Variants in MALRD1 observed in about 807,000 individuals in gnomAD.
MALRD1 encodes MAM and LDL-receptor class A domain-containing protein 1.
Under a neutral mutation model 242.1 loss-of-function variants are expected in MALRD1, and 247 were observed. The observed-to-expected ratio is 1.02, with a 90% CI of 0.92 to 1.13. The LOEUF (loss-of-function observed/expected upper bound fraction) is 1.13. MALRD1 is among the 50% of genes most tolerant of loss of function. The probability of loss-of-function intolerance (pLI) is 0.00; values close to 1 mark genes in which losing one functional copy is unlikely to be tolerated. For synonymous variants in MALRD1, 995 were observed against 866.6 expected (o/e 1.15, Z -2.60); for missense variants, 2,989 against 2,533.1 (o/e 1.18, Z -3.86).
At chr10:19,310,224 G>T (rs907687802) in intron 21 of MALRD1, among the ~76,000 whole-genome samples, 1 of 151,416 alleles carries the variant, frequency 6.6e-6, no homozygotes, top group African/African-American at 2.4e-5. Context: ...GCTTAGATTT[G>T]CTTTTTTACT....
At chr10:19,236,204 C>T (rs1838309961) in intron 18 of MALRD1, among the ~76,000 whole-genome samples, 1 of 152,154 alleles carries the variant, frequency 6.6e-6, no homozygotes, top group African/African-American at 2.4e-5. Context: ...CTCTTAGCCC[C>T]ATTTCTTATT....
chr10:19,634,112 A>G (rs1840026510), intron 36 of MALRD1, among the ~76,000 whole-genome samples: 1 of 152,016 alleles, frequency 6.6e-6, no homozygotes, highest in Non-Finnish European at 1.5e-5. Flanking sequence ...AAGTGCTGGG[A>G]TTACAGACAT....
chr10:19,646,516 A>T (rs2131693310), intron 36 of MALRD1, among the ~76,000 whole-genome samples: 1 of 152,224 alleles, frequency 6.6e-6, no homozygotes, highest in East Asian at 1.9e-4. Flanking sequence ...GAGGCAGGAG[A>T]ACTGCCTGAA....
chr10:19,051,073 T>C (rs115239161), intron 1 of MALRD1, among the ~76,000 whole-genome samples: 1 of 152,212 alleles, frequency 6.6e-6, no homozygotes, highest in Admixed American at 6.5e-5. Flanking sequence ...CTGAGAAGTT[T>C]CCACTTTGGC....
intron 27 of MALRD1, among the ~76,000 whole-genome samples, chr10:19,388,879 CTGAAAAA>C (rs1415364253): frequency 1.0e-4 from 3 of 29,118 alleles, no homozygotes; most frequent in East Asian, 1.6e-3. Context: ...CATAGGTCTA[CTGAAAAA>C]AAAAAAAAAA....
At chr10:19,456,242 G>A (rs904214153) in intron 29 of MALRD1, among the ~76,000 whole-genome samples, 5 of 152,094 alleles carry the variant, frequency 3.3e-5, no homozygotes, top group African/African-American at 1.2e-4. Context: ...TACCTTGAGG[G>A]TAAAATAAAA....
intron 32 of MALRD1, among the ~76,000 whole-genome samples, chr10:19,536,071 G>C (rs374024747): frequency 1.2e-4 from 19 of 152,264 alleles, no homozygotes; most frequent in Middle Eastern, 3.4e-3. Flanking sequence ...TCTCACTAAA[G>C]GTTATGCATT....
intron 36 of MALRD1, among the ~76,000 whole-genome samples, chr10:19,634,859 C>T (rs552663036): frequency 5.3e-5 from 8 of 152,246 alleles, no homozygotes; most frequent in African/African-American, 1.9e-4. Context: ...CTGGACATCT[C>T]ACTCCACTAA....
Position 19,719,216 on chromosome 10 carries a change from A to ATGTG in MALRD1, c.6315-11489_6315-11488insGTGT, listed in dbSNP as rs1491406524. Reference sequence around the variant, plus strand: ...CATACATATATATATATATATACACATACATACATATATATATATATATAT... The same window carrying ATGTG: ...CATACATATATATATATATATACACATGTGTACATACATATATATATATATATAT... On this transcript the variant is annotated intron_variant, in intron 38 of 39. Coordinates refer to ENST00000454679, the MANE Select transcript of MALRD1 (RefSeq NM_001142308.3). 5.3e-5 allele frequency among the ~76,000 whole-genome samples: 3 copies of ATGTG among 56,588 alleles called. No individual in the cohort carries two copies. The East Asian group carries it at 1.3e-3, about 24-fold the overall frequency. 37.1% of individuals were successfully genotyped at this position (56,588 alleles called of 152,430 possible).
chr10:19,515,913 AG>A (rs1404964774), intron 31 of MALRD1, among the ~76,000 whole-genome samples: 1 of 152,210 alleles, frequency 6.6e-6, no homozygotes, highest in Non-Finnish European at 1.5e-5. Context: ...AGCTAGTATA[AG>A]GACATCATTC....
In MALRD1 at chr10:19,133,867, AT is replaced by A; in HGVS notation, c.1126del (p.Trp376GlyfsTer12). 1 of 1,228,608 alleles carries A rather than the reference AT, an allele frequency of 8.1e-7. No homozygotes were observed. Among genetic ancestry groups the A allele is most frequent in the Non-Finnish European group, 1.0e-6 (1 of 985,226 alleles). 76.1% of individuals were successfully genotyped at this position (1,228,608 alleles called of 1,614,324 possible). The part of the protein sequence containing the change: ...RLYNNKEEEI[F>X]WTYNISTHSQ... The stretch of plus-strand genomic sequence containing the variant: ...TCTTCAAATCAAAGGAAGAAGAAAT[AT>A]TTTGGACATACAACATATCAACTCA... On this transcript the variant is annotated frameshift_variant, in exon 9 of 40. Transcript: ENST00000454679. LOFTEE classifies it high-confidence loss of function.
chr10:19,245,590 G>A (rs766248506), intron 18 of MALRD1, among the ~76,000 whole-genome samples: 8 of 152,208 alleles, frequency 5.3e-5, no homozygotes, highest in Non-Finnish European at 1.0e-4. Flanking sequence ...CAGTTATCAG[G>A]CAAAGGACTT....
chr10:19,586,870 T>A (rs1448996827), intron 33 of MALRD1, among the ~76,000 whole-genome samples: 1 of 152,204 alleles, frequency 6.6e-6, no homozygotes, highest in African/African-American at 2.4e-5. Flanking sequence ...GCGTTAGCAA[T>A]CAGCGAGACT....
At chr10:19,483,213 A>G (rs1263437902) in intron 29 of MALRD1, among the ~76,000 whole-genome samples, 1 of 152,060 alleles carries the variant, frequency 6.6e-6, no homozygotes, top group Non-Finnish European at 1.5e-5. Context: ...CTAGAAAAAA[A>G]AAAAACCTAG....
At chr10:19,157,055 G>T (rs116413905) in intron 12 of MALRD1, among the ~76,000 whole-genome samples, 8 of 151,996 alleles carry the variant, frequency 5.3e-5, no homozygotes, top group Non-Finnish European at 1.2e-4. Context: ...TGTTTTTCAC[G>T]CTTTTCTCTA....
At chr10:19,117,367 C>T (rs1401138357) in intron 5 of MALRD1, among the ~76,000 whole-genome samples, 2 of 151,758 alleles carry the variant, frequency 1.3e-5, no homozygotes, top group Non-Finnish European at 2.9e-5. Flanking sequence ...AAATGTAATA[C>T]ATTTGACAAG....
intron 28 of MALRD1, among the ~76,000 whole-genome samples, chr10:19,434,136 C>A (rs2483091): frequency 6.6e-6 from 1 of 151,860 alleles, no homozygotes; most frequent in Non-Finnish European, 1.5e-5. Context: ...TCACATATTG[C>A]CCCAAATCTT....
intron 30 of MALRD1, among the ~76,000 whole-genome samples, chr10:19,491,945 GT>G: frequency 6.6e-6 from 1 of 151,066 alleles, no homozygotes; most frequent in African/African-American, 2.4e-5. Context: ...TAGAATTAAA[GT>G]TTCTAGGAAC....
intron 21 of MALRD1, among the ~76,000 whole-genome samples, chr10:19,287,653 G>T (rs1030318270): frequency 2.6e-5 from 4 of 151,994 alleles, no homozygotes; most frequent in African/African-American, 9.7e-5. Context: ...TTGATATTTG[G>T]TAATGGTGCT....
Sources: allele counts gnomAD v4.1 joint callset (sites outside exome capture counted in the v4.1 genomes callset), GRCh38; gene constraint gnomAD v4.1.1; transcripts MANE v1.5; gene names NCBI Gene and HGNC (gene_info 2026-07-23, HGNC 2026-07-21).